Variants in ZFAND3 observed in about 807,000 individuals in gnomAD.
ZFAND3 encodes the protein zinc finger AN1-type containing 3, also known as AN1-type zinc finger protein 3.
ZFAND3 carries 10 observed loss-of-function variants against 29.6 expected under a neutral mutation model. The observed-to-expected ratio is 0.34, with a 90% CI of 0.21 to 0.57. The LOEUF is 0.57. Ranked by LOEUF, ZFAND3 falls within the 20% of genes least tolerant of loss-of-function variation. The pLI is 0.86. For synonymous variants in ZFAND3, 128 were observed against 112.6 expected (o/e 1.14, Z -0.87); for missense variants, 230 against 304.5 (o/e 0.76, Z 1.82).
intron 1 of ZFAND3, among the ~76,000 whole-genome samples, chr6:37,821,439 G>A (rs905953296): frequency 2.6e-5 from 4 of 152,176 alleles, no homozygotes; most frequent in Non-Finnish European, 5.9e-5. Flanking sequence ...GTGCTTTCAT[G>A]GACTGTCTAA....
At position 37,849,239 on chromosome 6, in the gene ZFAND3, G is replaced by A. The variant is rs377374325; in HGVS notation, c.71+29223G>A. ...ATAGACACACTGCATTCTCAAGCGA[G>A]AGCTCCCCTTTTAGAGTTGCATTGT... On this transcript the variant is annotated intron_variant, in intron 1 of 5. Transcript: ENST00000287218. Among the ~76,000 whole-genome samples, 232 of 152,188 alleles carry A rather than the reference G, an allele frequency of 1.5e-3. 1 individual carries two copies. Among genetic ancestry groups the A allele is most frequent in the African/African-American group, 5.4e-3 (226 of 41,536 alleles).
chr6:37,832,602 AC>A (rs1763882946), intron 1 of ZFAND3, among the ~76,000 whole-genome samples: 1 of 152,130 alleles, frequency 6.6e-6, no homozygotes, highest in African/African-American at 2.4e-5. Context: ...GGTTAAGTTT[AC>A]TTACTGGTGA....
chr6:37,974,099 T>C (rs1016413842), intron 2 of ZFAND3, among the ~76,000 whole-genome samples: 3 of 152,208 alleles, frequency 2.0e-5, no homozygotes, highest in Non-Finnish European at 4.4e-5. Context: ...CACCTTTACC[T>C]TCATTATTTT....
At chr6:37,909,311 G>A (rs1191115129) in intron 1 of ZFAND3, among the ~76,000 whole-genome samples, 3 of 135,810 alleles carry the variant, frequency 2.2e-5, no homozygotes, top group Non-Finnish European at 4.7e-5. Context: ...ACGGAGTCTT[G>A]CTCTGTCGCA....
intron 2 of ZFAND3, among the ~76,000 whole-genome samples, chr6:38,045,446 C>T (rs1437208199): frequency 6.6e-6 from 1 of 151,968 alleles, no homozygotes; most frequent in Non-Finnish European, 1.5e-5. Context: ...GCATTCTTTG[C>T]CTTGAAAGAT....
chr6:37,855,330 T>TA (rs1214678866), intron 1 of ZFAND3, among the ~76,000 whole-genome samples: 2 of 150,496 alleles, frequency 1.3e-5, no homozygotes, highest in Admixed American at 6.6e-5. Flanking sequence ...TTTTTTTTTT[T>TA]AAGTAGAGAT....
At chr6:37,915,313 G>T (rs923184129) in intron 1 of ZFAND3, among the ~76,000 whole-genome samples, 16 of 152,106 alleles carry the variant, frequency 1.1e-4, no homozygotes, top group African/African-American at 3.1e-4. Context: ...CTGCATATTC[G>T]TATGTTCACT....
intron 2 of ZFAND3, among the ~76,000 whole-genome samples, chr6:37,950,848 C>T (rs1400977518): frequency 6.6e-6 from 1 of 152,150 alleles, no homozygotes; most frequent in Non-Finnish European, 1.5e-5. Flanking sequence ...TTTGGTTATT[C>T]TGGCTCTTTT....
intron 2 of ZFAND3, among the ~76,000 whole-genome samples, chr6:37,956,806 A>G (rs1762092471): frequency 6.6e-6 from 1 of 152,178 alleles, no homozygotes; most frequent in African/African-American, 2.4e-5. Flanking sequence ...CTGCTTTAGT[A>G]TGGATGGTCT....
At chr6:38,118,456 A>T (rs925293624) in intron 5 of ZFAND3, among the ~76,000 whole-genome samples, 1 of 152,096 alleles carries the variant, frequency 6.6e-6, no homozygotes. Context: ...TTTGTAACGT[A>T]GGCTTTTGGT....
chr6:37,871,821 AC>A (rs1764700199), intron 1 of ZFAND3, among the ~76,000 whole-genome samples: 1 of 152,216 alleles, frequency 6.6e-6, no homozygotes. Context: ...TTATAGAAAT[AC>A]TGGTTTCTGT....
intron 4 of ZFAND3, among the ~76,000 whole-genome samples, chr6:38,096,958 C>G (rs948651806): frequency 3.9e-5 from 6 of 152,114 alleles, no homozygotes; most frequent in African/African-American, 1.4e-4. Flanking sequence ...CAGTAATTAC[C>G]TTGAGACCGG....
intron 5 of ZFAND3, among the ~76,000 whole-genome samples, chr6:38,118,009 G>A (rs746711137): frequency 3.9e-5 from 6 of 152,192 alleles, no homozygotes; most frequent in Non-Finnish European, 7.3e-5. Flanking sequence ...TGCAGAAACC[G>A]GAACCAGCAT....
intron 2 of ZFAND3, among the ~76,000 whole-genome samples, chr6:37,936,117 A>G (rs1246907521): frequency 3.9e-5 from 6 of 152,232 alleles, no homozygotes; most frequent in Admixed American, 2.0e-4. Context: ...GCCAGCTATC[A>G]TTAAAGCAGT....
chr6:37,933,443 A>G (rs1761635309), intron 2 of ZFAND3, among the ~76,000 whole-genome samples: 2 of 152,340 alleles, frequency 1.3e-5, no homozygotes, highest in East Asian at 3.9e-4. Context: ...TGGTGAGCAC[A>G]CACCTGACCC....
At chr6:37,907,123 T>C (rs1765422889) in intron 1 of ZFAND3, among the ~76,000 whole-genome samples, 1 of 152,156 alleles carries the variant, frequency 6.6e-6, no homozygotes, top group Non-Finnish European at 1.5e-5. Flanking sequence ...ATGCTTGCAC[T>C]GACTCTCTGT....
intron 2 of ZFAND3, among the ~76,000 whole-genome samples, chr6:37,992,505 CCT>C (rs897442431): frequency 5.3e-5 from 8 of 152,038 alleles, no homozygotes; most frequent in African/African-American, 1.4e-4. Flanking sequence ...GTATGCTTTC[CCT>C]CTCTTCTTCT....
chr6:37,843,121 C>CA (rs34684980), intron 1 of ZFAND3, among the ~76,000 whole-genome samples: 8,944 of 70,280 alleles, frequency 0.13, 315 homozygotes, highest in Middle Eastern at 0.16. Context: ...AACTGTTTCA[C>CA]AAAAAAAAAA....
chr6:38,118,242 G>T (rs1386774015), intron 5 of ZFAND3, among the ~76,000 whole-genome samples: 1 of 152,158 alleles, frequency 6.6e-6, no homozygotes, highest in East Asian at 1.9e-4. Flanking sequence ...TAAATTCTTG[G>T]TGATGTAGGG....
Sources: gnomAD v4.1 joint callset for allele counts (sites outside exome capture counted in the v4.1 genomes callset) on GRCh38, gnomAD v4.1.1 for gene constraint, MANE v1.5 for transcripts, NCBI Gene and HGNC (gene_info 2026-07-23, HGNC 2026-07-21) for gene names.